RAB40B: variants seen among roughly 807,000 people sequenced by gnomAD.
RAB40B encodes RAB40B, member RAS oncogene family.
RAB40B carries 21 observed loss-of-function variants against 24.0 expected under a neutral mutation model. That is an observed-to-expected ratio of 0.88 (90% CI 0.62 to 1.26). The LOEUF is 1.26. Ranked by LOEUF, RAB40B falls within the 50% of genes most tolerant of loss-of-function variation. The pLI is 0.00. For missense variants in RAB40B, 348 were observed against 390.5 expected, an observed-to-expected ratio of 0.89 and a Z score of 0.92; for synonymous variants, 167 against 169.8, an observed-to-expected ratio of 0.98 and a Z score of 0.13.
chr17:82,688,659 C>T (rs918563213), intron 1 of RAB40B, among the ~76,000 whole-genome samples: 7 of 151,884 alleles, frequency 4.6e-5, no homozygotes, highest in Non-Finnish European at 8.8e-5. Flanking sequence ...TTGGGCCGGG[C>T]GTGGTGGCTC....
At position 82,659,660 on chromosome 17, in the gene RAB40B, G is replaced by T; in HGVS notation, c.265-3C>A. The stretch of plus-strand genomic sequence containing the variant: ...ATGTCATAGACCAGGATCACACCCT[G>T]GGGGAGAGGTCACAGGCTCAGCACG... On this transcript the variant is annotated splice_region_variant and splice_polypyrimidine_tract_variant and intron_variant, in intron 3 of 5. Transcript: ENST00000571995. The T allele has an allele frequency of 6.2e-7, 1 of 1,613,970 alleles. No homozygotes were observed. The highest frequency in any genetic ancestry group is 2.2e-5 in the East Asian group (1 of 44,888).
chr17:82,658,875 T>C (rs2046123730), intron 4 of RAB40B, 162 bp from the exon 5 acceptor site: 2 of 636,692 alleles, frequency 3.1e-6, no homozygotes, highest in South Asian at 2.0e-5. Context: ...CAGACGTAAA[T>C]AGTTACGGTG....
At chr17:82,668,289 T>G (rs932272455) in intron 1 of RAB40B, 2 of 154,394 alleles carry the variant, frequency 1.3e-5, no homozygotes, top group Admixed American at 6.5e-5. Flanking sequence ...CCAACCAGCA[T>G]GCACATCCCC....
At chr17:82,680,391 G>A (rs116338339) in intron 1 of RAB40B, among the ~76,000 whole-genome samples, 1,537 of 152,302 alleles carry the variant, frequency 0.01, 14 homozygotes, top group African/African-American at 0.034. Context: ...CGGGACGGCA[G>A]TTCCCCCACG....
At chr17:82,670,787 C>A (rs1401866072) in intron 1 of RAB40B, among the ~76,000 whole-genome samples, 4 of 152,014 alleles carry the variant, frequency 2.6e-5, no homozygotes, top group Non-Finnish European at 5.9e-5. Context: ...CACGCCTTGG[C>A]CTCCCAAAAT....
chr17:82,696,597 GGC>G (rs1379994367), intron 1 of RAB40B: 1 of 155,996 alleles, frequency 6.4e-6, no homozygotes, highest in Non-Finnish European at 1.4e-5. Context: ...CTGTCCTCCA[GGC>G]GCTCAATCTC....
chr17:82,684,220 CAA>C (rs34778953), intron 1 of RAB40B, among the ~76,000 whole-genome samples: 4 of 120,324 alleles, frequency 3.3e-5, no homozygotes, highest in African/African-American at 1.3e-4. Context: ...GACTCTGTCT[CAA>C]AAAAAAAAAA....
At chr17:82,680,669 ACC>A (rs2046440108) in intron 1 of RAB40B, among the ~76,000 whole-genome samples, 2 of 152,312 alleles carry the variant, frequency 1.3e-5, no homozygotes, top group South Asian at 4.1e-4. Context: ...TAGTAGTAAT[ACC>A]TATAATGATA....
intron 2 of RAB40B, chr17:82,662,726 C>T: frequency 1.0e-6 from 1 of 985,370 alleles, no homozygotes; most frequent in Non-Finnish European, 1.2e-6. Flanking sequence ...TTGGCAGAAG[C>T]CCCCTGGGAT....
At chr17:82,676,498 C>T (rs1261556448) in intron 1 of RAB40B, among the ~76,000 whole-genome samples, 4 of 151,506 alleles carry the variant, frequency 2.6e-5, no homozygotes, top group Non-Finnish European at 1.5e-5. Context: ...ACACCAATTC[C>T]GTGGCGAGTC....
chr17:82,672,251 TACTC>T lies in RAB40B; in HGVS notation c.143-7699_143-7696del, dbSNP rs750751052. Among the ~76,000 whole-genome samples the T allele has an allele frequency of 5.5e-3, 581 of 105,632 alleles. 150 individuals carry two copies. Among genetic ancestry groups the T allele is most frequent in the Non-Finnish European group, 9.2e-3 (403 of 44,014 alleles). The allele number at this position is 105,632 out of a possible 152,430, so 69.3% of individuals were successfully genotyped here. Reference sequence around the variant, plus strand: ...AACACACACACTCACACGCTCCCTGTACTCACTGACACACCCCACCCCGTAACTC... The same window carrying T: ...AACACACACACTCACACGCTCCCTGTACTGACACACCCCACCCCGTAACTC... On this transcript the variant is annotated intron_variant, in intron 1 of 5. Coordinates refer to ENST00000571995, the MANE Select transcript of RAB40B (RefSeq NM_006822.3).
chr17:82,660,537 C>T (rs1172349421), intron 3 of RAB40B, among the ~76,000 whole-genome samples: 1 of 150,956 alleles, frequency 6.6e-6, no homozygotes, highest in African/African-American at 2.4e-5. Flanking sequence ...ACACAGTGCA[C>T]ATACCTACAC....
intron 1 of RAB40B, among the ~76,000 whole-genome samples, chr17:82,686,284 G>A (rs2046500956): frequency 6.6e-6 from 1 of 151,466 alleles, no homozygotes; most frequent in Admixed American, 6.6e-5. Flanking sequence ...GCTAATTTTT[G>A]TATTTTTAGT....
intron 1 of RAB40B, among the ~76,000 whole-genome samples, chr17:82,687,799 C>T (rs961572742): frequency 6.6e-5 from 10 of 152,188 alleles, no homozygotes; most frequent in African/African-American, 2.2e-4. Flanking sequence ...CAGCCAGGCG[C>T]GGTGGCTCAT....
rs142649681 is a variant in RAB40B at position 82,682,690 on chromosome 17, T to C, written c.142+15765A>G. Among the ~76,000 whole-genome samples, 658 of 152,282 alleles carry C rather than the reference T, an allele frequency of 4.3e-3. 7 individuals carry two copies. Among genetic ancestry groups the C allele is most frequent in the South Asian group, 0.018 (88 of 4,830 alleles). On this transcript the variant is annotated intron_variant, in intron 1 of 5. Coordinates refer to ENST00000571995, the MANE Select transcript of RAB40B (RefSeq NM_006822.3). The stretch of plus-strand genomic sequence containing the variant: ...TACTGAATAGAAAAATGGAACAGAA[T>C]TGAGTCTAGAAATAGGCCCACACAA...
At chr17:82,685,524 G>T (rs1374300752) in intron 1 of RAB40B, among the ~76,000 whole-genome samples, 9 of 152,164 alleles carry the variant, frequency 5.9e-5, no homozygotes, top group Non-Finnish European at 1.2e-4. Flanking sequence ...CTCAGATGGG[G>T]CGGGCCCCAG....
chr17:82,693,475 A>G (rs549190836), intron 1 of RAB40B, among the ~76,000 whole-genome samples: 17 of 152,360 alleles, frequency 1.1e-4, no homozygotes, highest in African/African-American at 3.1e-4. Context: ...GGGAGCACCA[A>G]GTGAAAAATG....
Position 82,675,701 on chromosome 17 carries a change from G to A in RAB40B, c.143-11145C>T, listed in dbSNP as rs2046387396. On this transcript the variant is annotated intron_variant, in intron 1 of 5. Coordinates refer to ENST00000571995, the MANE Select transcript of RAB40B (RefSeq NM_006822.3). The surrounding 1 kb of genome is among the most constrained non-coding windows in gnomAD (Gnocchi z 4.5). Reference sequence around the variant, plus strand: ...CCCATGTCCTCCCCTAGCTGGAGGGGCGAGGGAGCTCTTGGATGCTTCACT... The same window carrying A: ...CCCATGTCCTCCCCTAGCTGGAGGGACGAGGGAGCTCTTGGATGCTTCACT... 6.6e-6 allele frequency among the ~76,000 whole-genome samples: 1 copy of A among 152,092 alleles called. No individual in the cohort carries two copies. The highest frequency in any genetic ancestry group is 1.5e-5 in the Non-Finnish European group (1 of 68,016).
intron 2 of RAB40B, chr17:82,662,358 G>C: frequency 2.0e-6 from 2 of 985,502 alleles, no homozygotes; most frequent in Non-Finnish European, 2.4e-6. Flanking sequence ...AGGTCAATCT[G>C]CCAGCTTCGC....
Sources: allele counts gnomAD v4.1 joint callset (sites outside exome capture counted in the v4.1 genomes callset), GRCh38; gene constraint gnomAD v4.1.1; non-coding constraint Gnocchi (gnomAD v3.1); transcripts MANE v1.5; gene names NCBI Gene and HGNC (gene_info 2026-07-23, HGNC 2026-07-21).